AUTS2: variants seen among roughly 807,000 people sequenced by gnomAD.
AUTS2 encodes the protein autism susceptibility gene 2 protein.
In AUTS2, 17 loss-of-function variants were observed where a neutral mutation model predicts 112.4. The ratio of observed to expected loss-of-function variants is 0.15; its 90% CI spans 0.10 to 0.23. The LOEUF (loss-of-function observed/expected upper bound fraction) is 0.23, where lower values mean the gene tolerates loss of function less well. AUTS2 is among the 10% of genes least tolerant of loss of function. AUTS2 has a pLI of 1.00. For missense variants in AUTS2, 1,510 were observed against 1,701.6 expected (o/e 0.89, Z 1.98); for synonymous variants, 751 against 702.7 (o/e 1.07, Z -1.09).
chr7:70,131,240 C>T (rs943007069), intron 3 of AUTS2, among the ~76,000 whole-genome samples: 1 of 151,896 alleles, frequency 6.6e-6, no homozygotes, highest in Admixed American at 6.6e-5. Context: ...CACTTGAAGC[C>T]AGGAGTTTGA....
At chr7:69,669,321 A>G (rs1167902385) in intron 1 of AUTS2, among the ~76,000 whole-genome samples, 1 of 152,104 alleles carries the variant, frequency 6.6e-6, no homozygotes. Flanking sequence ...TTAAGAATGC[A>G]TACATGTATG....
intron 5 of AUTS2, among the ~76,000 whole-genome samples, chr7:70,456,783 T>C (rs1796758296): frequency 6.6e-6 from 1 of 152,164 alleles, no homozygotes; most frequent in African/African-American, 2.4e-5. Flanking sequence ...TGATGACCTC[T>C]CCTCCCAGCT....
intron 1 of AUTS2, among the ~76,000 whole-genome samples, chr7:69,752,620 C>T (rs939422917): frequency 5.3e-5 from 8 of 152,080 alleles, no homozygotes; most frequent in Non-Finnish European, 8.8e-5. Context: ...AAAAAATGAA[C>T]GGTTTTTGAA....
At chr7:70,313,083 G>C (rs1789835023) in intron 4 of AUTS2, among the ~76,000 whole-genome samples, 1 of 152,160 alleles carries the variant, frequency 6.6e-6, no homozygotes, top group Non-Finnish European at 1.5e-5. Flanking sequence ...GGGAGAAACT[G>C]CAGAGCAACA....
chr7:69,938,063 A>G (rs1796483384), intron 2 of AUTS2, among the ~76,000 whole-genome samples: 1 of 152,196 alleles, frequency 6.6e-6, no homozygotes, highest in Admixed American at 6.5e-5. Context: ...CTCCTGTTCA[A>G]TAAATATATT....
rs1799466267 is a variant in AUTS2 at position 70,517,555 on chromosome 7, TGCA to T, written c.690+81775_690+81777del. On this transcript the variant is annotated intron_variant, in intron 5 of 18. Coordinates refer to ENST00000342771, the MANE Select transcript of AUTS2 (RefSeq NM_015570.4). ...ATTGCATATACACATATATACAAAT[TGCA>T]TATACACATATATACAAATTGCATA... is the stretch of plus-strand genomic sequence containing the variant. Among the ~76,000 whole-genome samples, 6 of 148,830 alleles carry T rather than the reference TGCA, an allele frequency of 4.0e-5. No homozygotes were observed. In the Admixed American group the frequency reaches 4.0e-4, roughly 10 times the overall value.
At chr7:70,091,896 G>A (rs941312931) in intron 2 of AUTS2, among the ~76,000 whole-genome samples, 1 of 152,092 alleles carries the variant, frequency 6.6e-6, no homozygotes, top group Admixed American at 6.5e-5. Flanking sequence ...CCTGTAATTT[G>A]CTGTGGTGAC....
intron 5 of AUTS2, among the ~76,000 whole-genome samples, chr7:70,442,481 G>A (rs58707405): frequency 0.13 from 19,482 of 152,022 alleles, 1,286 homozygotes; most frequent in Middle Eastern, 0.17. Context: ...CTGAGTCTCA[G>A]GAGATTTTTA....
rs966612592 is a variant in AUTS2, at chr7:70,121,460, A to G, written c.624+3227A>G. ...ATCATATAAGTGGTGTTTACTCTAC[A>G]GAATGTGTAAAGAACTACAACTCAA... On this transcript the variant is annotated intron_variant, in intron 3 of 18. Coordinates refer to ENST00000342771, the MANE Select transcript of AUTS2 (RefSeq NM_015570.4). Among the ~76,000 whole-genome samples, 3 of 152,164 alleles carry G rather than the reference A, an allele frequency of 2.0e-5. 1 individual carries two copies. In the South Asian group the frequency reaches 6.2e-4, roughly 32 times the overall value.
rs1337010122 is a variant in AUTS2 at position 70,144,778 on chromosome 7, GTTATA to G, written c.660+10208_660+10212del. On this transcript the variant is annotated intron_variant, in intron 4 of 18. Transcript: ENST00000342771. ...TCATCCTGGATCCTGTCCTTCAGTT[GTTATA>G]GTTGAAAGTCACATTAATTTTTCTG... 2.6e-5 allele frequency among the ~76,000 whole-genome samples: 4 copies of G among 152,050 alleles called. No individual in the cohort carries two copies. In the East Asian group the frequency reaches 7.7e-4, roughly 29 times the overall value.
chr7:69,858,619 TTC>T (rs202220534), intron 1 of AUTS2, among the ~76,000 whole-genome samples: 1 of 151,678 alleles, frequency 6.6e-6, no homozygotes. Flanking sequence ...AATTTACACC[TTC>T]TCTCTCTCTC....
intron 1 of AUTS2, among the ~76,000 whole-genome samples, chr7:69,863,878 AGAGGCT>A (rs1435575166): frequency 6.6e-6 from 1 of 152,158 alleles, no homozygotes; most frequent in African/African-American, 2.4e-5. Context: ...TGGGTAGGGG[AGAGGCT>A]GACCATACAG....
At chr7:69,675,962 TC>T (rs1189281141) in intron 1 of AUTS2, among the ~76,000 whole-genome samples, 5 of 152,152 alleles carry the variant, frequency 3.3e-5, no homozygotes, top group African/African-American at 1.2e-4. Context: ...TATTGGCAGA[TC>T]ATCCATGTGC....
intron 4 of AUTS2, among the ~76,000 whole-genome samples, chr7:70,301,483 G>A (rs1372864147): frequency 6.6e-6 from 1 of 152,128 alleles, no homozygotes; most frequent in Non-Finnish European, 1.5e-5. Flanking sequence ...GGGAAAAAAA[G>A]CTCTCTTAAA....
chr7:69,990,129 A>G (rs902760217), intron 2 of AUTS2, among the ~76,000 whole-genome samples: 42 of 152,168 alleles, frequency 2.8e-4, no homozygotes, highest in Non-Finnish European at 6.0e-4. Context: ...TGTGCATGCT[A>G]TTTTACCTCT....
intron 1 of AUTS2, among the ~76,000 whole-genome samples, chr7:69,698,194 A>G (rs1048676330): frequency 6.6e-6 from 1 of 152,172 alleles, no homozygotes; most frequent in African/African-American, 2.4e-5. Flanking sequence ...TAAGCACAAT[A>G]AAATGTTAGG....
At chr7:69,809,483 G>A (rs1790453106) in intron 1 of AUTS2, among the ~76,000 whole-genome samples, 2 of 152,190 alleles carry the variant, frequency 1.3e-5, no homozygotes, top group Admixed American at 1.3e-4. Context: ...GAGGAAACAT[G>A]TTATGGAAAT....
At chr7:70,715,297 T>G (rs1407149843) in intron 6 of AUTS2, among the ~76,000 whole-genome samples, 1 of 152,152 alleles carries the variant, frequency 6.6e-6, no homozygotes, top group Non-Finnish European at 1.5e-5. Flanking sequence ...ATGGTTTGTG[T>G]TTATCAATTG....
chr7:70,348,736 G>A lies in AUTS2; in HGVS notation c.661-87016G>A, dbSNP rs371883003. Among the ~76,000 whole-genome samples, 13 of 152,276 alleles carry A rather than the reference G, an allele frequency of 8.5e-5. No individual in the cohort carries two copies. In the East Asian group the frequency reaches 1.9e-3, roughly 23 times the overall value. On this transcript the variant is annotated intron_variant, in intron 4 of 18. Transcript: ENST00000342771. ...GAGGCAGGAGAATGGCGTGAACCCC[G>A]GGAGGCGTTGCTTGCAGTGAGCCGA...
Sources: allele counts gnomAD v4.1 joint callset (sites outside exome capture counted in the v4.1 genomes callset), GRCh38; gene constraint gnomAD v4.1.1; transcripts MANE v1.5; gene names NCBI Gene and HGNC (gene_info 2026-07-23, HGNC 2026-07-21).